RASSF4: variants seen among roughly 807,000 people sequenced by gnomAD.
RASSF4 encodes the protein Ras association domain family member 4.
A neutral mutation model predicts 41.1 loss-of-function variants in RASSF4; 38 were observed. That is an observed-to-expected ratio of 0.92 (90% CI 0.71 to 1.21). The LOEUF is 1.21. Ranked by LOEUF, RASSF4 falls within the 50% of genes most tolerant of loss-of-function variation. The probability of loss-of-function intolerance (pLI) is 0.00; values close to 1 mark genes in which losing one functional copy is unlikely to be tolerated. For synonymous variants in RASSF4, 179 were observed against 163.4 expected (o/e 1.10, Z -0.73); for missense variants, 414 against 419.4 (o/e 0.99, Z 0.11).
At chr10:44,973,222 C>T (rs975361831) in intron 3 of RASSF4, among the ~76,000 whole-genome samples, 4 of 152,236 alleles carry the variant, frequency 2.6e-5, no homozygotes, top group Admixed American at 2.6e-4. Context: ...CTGCCCCCAT[C>T]CTGCACTCCC....
Position 44,979,270 on chromosome 10 carries a change from C to T in RASSF4, c.139-3251C>T, listed in dbSNP as rs138056523. Among the ~76,000 whole-genome samples, 733 of 152,290 alleles carry T rather than the reference C, an allele frequency of 4.8e-3. 9 individuals are homozygous for T. The highest frequency in any genetic ancestry group is 0.017 in the African/African-American group (694 of 41,552). On this transcript the variant is annotated intron_variant, in intron 3 of 10. Transcript: ENST00000340258. ...AGAGACACACCCTGCTCGCAAGGGA[C>T]CAAGGGCGGTCTGCGGGGTCTGACC... is the stretch of plus-strand genomic sequence containing the variant.
chr10:44,972,570 C>A (rs1195440189), intron 3 of RASSF4, among the ~76,000 whole-genome samples: 2 of 152,252 alleles, frequency 1.3e-5, no homozygotes, highest in Non-Finnish European at 2.9e-5. Flanking sequence ...TGGGCACTGG[C>A]TGGACTCTGC....
chr10:44,982,275 C>A, intron 3 of RASSF4: 1 of 543,262 alleles, frequency 1.8e-6, no homozygotes. Context: ...GGACACCTGA[C>A]TCAGCCACTG....
intron 3 of RASSF4, 93 bp from the exon 4 acceptor site, chr10:44,982,428 A>C: frequency 6.7e-7 from 1 of 1,482,502 alleles, no homozygotes; most frequent in Non-Finnish European, 9.3e-7. Context: ...AGGGATGTGC[A>C]AGGCCTGAGT....
chr10:44,984,236 T>A, intron 5 of RASSF4, 123 bp downstream of exon 5: 1 of 941,860 alleles, frequency 1.1e-6, no homozygotes. Context: ...GGGCTTCACC[T>A]GCTGGACCCC....
intron 3 of RASSF4, chr10:44,977,218 A>T: frequency 1.3e-6 from 1 of 762,986 alleles, no homozygotes; most frequent in Non-Finnish European, 2.1e-6. Flanking sequence ...CATGTGAAAC[A>T]GGCTGTTATC....
intron 1 of RASSF4, among the ~76,000 whole-genome samples, chr10:44,968,426 C>T (rs1840991471): frequency 6.6e-6 from 1 of 152,146 alleles, no homozygotes; most frequent in Non-Finnish European, 1.5e-5. Flanking sequence ...TCTCTCCAGG[C>T]CCTGAGGTGC....
chr10:44,984,276 G>C, intron 5 of RASSF4, 163 bp downstream of exon 5: 1 of 649,582 alleles, frequency 1.5e-6, no homozygotes, highest in South Asian at 2.0e-5. Flanking sequence ...GAGGTGCTCT[G>C]CCCTCATTCT....
Position 44,994,517 on chromosome 10 carries a change from A to G in RASSF4, c.*1188A>G, listed in dbSNP as rs1359962828. 1.3e-5 allele frequency: 2 copies of G among 152,380 alleles called. No individual in the cohort carries two copies. Among genetic ancestry groups the G allele is most frequent in the East Asian group, 1.9e-4 (1 of 5,176 alleles). 9.4% of individuals were successfully genotyped at this position (152,380 alleles called of 1,614,324 possible). A position where few individuals can be genotyped will look rare whatever the true frequency, so the allele number is the denominator to read the frequency against. The stretch of plus-strand genomic sequence containing the variant: ...AGAAGCTCCTTACGGGTGCCCATCA[A>G]GAGCATAGCTTGGAAGCCACCATGC... On this transcript the variant is annotated 3_prime_UTR_variant, in exon 11 of 11. Coordinates refer to ENST00000340258, the MANE Select transcript of RASSF4 (RefSeq NM_032023.4).
intron 3 of RASSF4, among the ~76,000 whole-genome samples, chr10:44,979,683 C>G (rs571527921): frequency 2.6e-5 from 4 of 152,162 alleles, no homozygotes; most frequent in South Asian, 2.1e-4. Flanking sequence ...GAGGGCGCGC[C>G]GGACAGACAT....
chr10:44,991,170 T>G (rs1243714650), intron 9 of RASSF4, 101 bp downstream of exon 9: 4 of 1,169,526 alleles, frequency 3.4e-6, no homozygotes, highest in Admixed American at 2.5e-5. Flanking sequence ...TCAGTTGATG[T>G]CTCCAGGAGC....
chr10:44,992,375 C>T (rs1032026886), intron 10 of RASSF4, among the ~76,000 whole-genome samples: 1 of 152,248 alleles, frequency 6.6e-6, no homozygotes, highest in African/African-American at 2.4e-5. Context: ...CATGCTGAGG[C>T]AGACTTGGCC....
chr10:44,980,965 T>C (rs921704577), intron 3 of RASSF4: 1 of 152,126 alleles, frequency 6.6e-6, no homozygotes, highest in African/African-American at 2.4e-5. Flanking sequence ...TGCTTGTTTG[T>C]TTTCCTTTTT....
In RASSF4 at chr10:44,984,852, G is replaced by T. The variant is rs757576234; in HGVS notation, c.413G>T (p.Arg138Leu). ...GCAGAGGAGGCCCCCCAGCTGATGC[G>T]GACCAAGAGCGACGCCAGTTGCATG... ...EEAEEAPQLMRTKSDASCMSQ... is the reference protein window; with the variant it reads ...EEAEEAPQLMLTKSDASCMSQ... Residue 138 changes from arginine (R) to leucine (L), a missense_variant, in exon 6 of 11, where the codon CGG becomes CTG. Arg to Leu is a moderately radical substitution (Grantham distance 102). Transcript: ENST00000340258. The T allele has an allele frequency of 6.2e-7, 1 of 1,613,624 alleles. No homozygotes were observed. Among genetic ancestry groups the T allele is most frequent in the Non-Finnish European group, 8.5e-7 (1 of 1,180,008 alleles).
intron 3 of RASSF4, chr10:44,977,450 C>T (rs567104150): frequency 1.1e-5 from 18 of 1,609,570 alleles, no homozygotes; most frequent in East Asian, 2.2e-5. Flanking sequence ...ACTGCTGGGG[C>T]GGGGGCGGTG....
Position 44,982,550 on chromosome 10 carries a change from C to T in RASSF4, c.168C>T (p.Leu56=). Residue 56 remains leucine, a synonymous_variant, in exon 4 of 11, where the codon CTC becomes CTT. Transcript: ENST00000340258. ...EEEGTLIIEG[L]LNIAWGLRRP... ...AAGGGACTCTGATCATCGAGGGGCT[C>T]CTCAACATTGCCTGGGGGCTGAGGC... 6.2e-7 allele frequency: 1 copy of T among 1,612,454 alleles called. No individual in the cohort carries two copies. Among genetic ancestry groups the T allele is most frequent in the Non-Finnish European group, 8.5e-7 (1 of 1,179,230 alleles).
intron 5 of RASSF4, 67 bp downstream of exon 5, chr10:44,984,180 C>T: frequency 2.1e-6 from 3 of 1,419,934 alleles, no homozygotes; most frequent in Non-Finnish European, 2.8e-6. Flanking sequence ...GGGCTTGGCT[C>T]ACAACCACAA....
chr10:44,979,763 G>A (rs1421469123), intron 3 of RASSF4, among the ~76,000 whole-genome samples: 1 of 152,116 alleles, frequency 6.6e-6, no homozygotes, highest in Non-Finnish European at 1.5e-5. Flanking sequence ...TGGGGTGGAT[G>A]CTGTGTTTCC....
intron 3 of RASSF4, among the ~76,000 whole-genome samples, chr10:44,975,365 C>CA (rs1001055685): frequency 1.3e-5 from 2 of 151,990 alleles, no homozygotes; most frequent in African/African-American, 4.8e-5. Context: ...CAAAGCGCTT[C>CA]CCAGCCTGCC....
Sources: allele counts gnomAD v4.1 joint callset (sites outside exome capture counted in the v4.1 genomes callset), GRCh38; gene constraint gnomAD v4.1.1; transcripts MANE v1.5; gene names NCBI Gene and HGNC (gene_info 2026-07-23, HGNC 2026-07-21).